GPR132: variants seen among roughly 807,000 people sequenced by gnomAD.
GPR132 encodes probable G protein-coupled receptor 132.
A neutral mutation model predicts 1.9 loss-of-function variants in GPR132; 4 were observed. That is an observed-to-expected ratio of 2.13 (90% CI 1.05 to 4.87). The LOEUF is 4.87. Among genes scored for constraint, GPR132 ranks in the 30% most tolerant of loss-of-function variants. The probability of loss-of-function intolerance (pLI) is 0.01; values close to 1 mark genes in which losing one functional copy is unlikely to be tolerated. For synonymous variants in GPR132, 233 were observed against 234.2 expected, an observed-to-expected ratio of 0.99 and a Z score of 0.05; for missense variants, 404 against 512.5, an observed-to-expected ratio of 0.79 and a Z score of 2.04.
chr14:105,053,745 A>C (rs1301792629), intron 3 of GPR132, among the ~76,000 whole-genome samples: 1 of 151,924 alleles, frequency 6.6e-6, no homozygotes, highest in Non-Finnish European at 1.5e-5. Context: ...TCCTTGGGAC[A>C]TGTAGATATG....
intron 3 of GPR132, among the ~76,000 whole-genome samples, chr14:105,053,234 C>A (rs546647142): frequency 6.8e-6 from 1 of 146,340 alleles, no homozygotes; most frequent in Non-Finnish European, 1.5e-5. Context: ...GATCTCAGCT[C>A]ACTGCAACCT....
In GPR132 at chr14:105,052,080, G is replaced by A; in HGVS notation, c.57C>T (p.Thr19=). Residue 19 remains threonine, a synonymous_variant, in exon 4 of 4, where the codon ACC becomes ACT. Coordinates refer to ENST00000329797, the MANE Select transcript of GPR132 (RefSeq NM_013345.4). ...GYNGNATPVT[T]TAPWASLGLS... ...GGCCCAGGGAGGCCCACGGGGCAGT[G>A]GTGGTCACTGGGGTGGCGTTTCCTG... 6.3e-7 allele frequency: 1 copy of A among 1,580,392 alleles called. No individual in the cohort carries two copies. The highest frequency in any genetic ancestry group is 8.6e-7 in the Non-Finnish European group (1 of 1,165,530).
intron 1 of GPR132, among the ~76,000 whole-genome samples, chr14:105,063,437 C>T (rs1012791180): frequency 6.6e-6 from 1 of 151,422 alleles, no homozygotes; most frequent in African/African-American, 2.4e-5. Context: ...TGCAATAGCA[C>T]GATCTTGGCT....
chr14:105,054,027 G>A (rs2140929178), intron 3 of GPR132: 4 of 1,287,004 alleles, frequency 3.1e-6, no homozygotes, highest in Middle Eastern at 2.1e-4. Context: ...ACTTCCCCAA[G>A]CTCTGCCAGC....
At chr14:105,058,907 G>A (rs1160788335) in intron 1 of GPR132, among the ~76,000 whole-genome samples, 1 of 152,252 alleles carries the variant, frequency 6.6e-6, no homozygotes, top group Non-Finnish European at 1.5e-5. Context: ...GATGGTGTTT[G>A]TGCCTCTCCC....
chr14:105,051,376 C>A lies in GPR132; in HGVS notation c.761G>T (p.Cys254Phe). 1 of 1,614,014 alleles carries A rather than the reference C, an allele frequency of 6.2e-7. No homozygotes were observed. Among genetic ancestry groups the A allele is most frequent in the Non-Finnish European group, 8.5e-7 (1 of 1,179,912 alleles). The change falls in exon 4 of 4, where the codon TGC (cysteine) becomes TTC (phenylalanine). Residue 254 changes from cysteine to phenylalanine, a missense_variant. Cys to Phe is a radical substitution (Grantham distance 205). Transcript: ENST00000329797. This position sits in a 1 kb window ranked among gnomAD's most constrained non-coding sequence, Gnocchi z 8.0. ...GAGAACCAGGTGGTACGGGGCGAAG[C>A]AGACTAGGAAGATGACAACCACCGC... ...AIAVVVIFLV[C>F]FAPYHLVLLV...
At chr14:105,061,524 G>A (rs917564819) in intron 1 of GPR132, among the ~76,000 whole-genome samples, 3 of 152,182 alleles carry the variant, frequency 2.0e-5, no homozygotes, top group Non-Finnish European at 2.9e-5. Context: ...GCAGTGTCGC[G>A]GTCTGTCCTG....
intron 1 of GPR132, among the ~76,000 whole-genome samples, chr14:105,063,245 G>A (rs1886996797): frequency 6.6e-6 from 1 of 151,116 alleles, no homozygotes; most frequent in African/African-American, 2.4e-5. Context: ...CCAGATTAGA[G>A]AAGCACCACA....
chr14:105,061,747 G>C (rs186656153), intron 1 of GPR132, among the ~76,000 whole-genome samples: 3 of 152,140 alleles, frequency 2.0e-5, no homozygotes, highest in East Asian at 1.9e-4. Context: ...CCTCCTGGGG[G>C]GGGGGAGTCC....
At chr14:105,053,337 T>C (rs1223803448) in intron 3 of GPR132, among the ~76,000 whole-genome samples, 1 of 151,896 alleles carries the variant, frequency 6.6e-6, no homozygotes, top group African/African-American at 2.4e-5. Flanking sequence ...ATTTTGTATT[T>C]TTAGTAGAGA....
chr14:105,062,540 CTTTTTTT>C (rs59869492), intron 1 of GPR132, among the ~76,000 whole-genome samples: 2 of 128,684 alleles, frequency 1.6e-5, no homozygotes, highest in African/African-American at 3.0e-5. Flanking sequence ...CTTTTCTTTT[CTTTTTTT>C]TTTTTTTTTT....
Position 105,051,951 on chromosome 14 carries a change from C to T in GPR132, c.186G>A (p.Leu62=), listed in dbSNP as rs376713015. ...VCTLGVPANC[L]TAWLALLQVL... ...CCTGCAGCAGCGCCAGCCACGCAGT[C>T]AGGCAGTTGGCCGGCACCCCCAGCG... The change falls in exon 4 of 4, where the codon CTG becomes CTA. Residue 62 remains leucine (L), a synonymous_variant. Coordinates refer to ENST00000329797, the MANE Select transcript of GPR132 (RefSeq NM_013345.4). This position sits in a 1 kb window ranked among gnomAD's most constrained non-coding sequence, Gnocchi z 8.0. 21 of 1,613,504 alleles carry T rather than the reference C, an allele frequency of 1.3e-5. No individual in the cohort carries two copies. The highest frequency in any genetic ancestry group is 1.7e-5 in the Non-Finnish European group (20 of 1,179,980).
At position 105,051,057 on chromosome 14, in the gene GPR132, G is replaced by A. The variant is rs1478173358; in HGVS notation, c.1080C>T (p.Ser360=). ...PVALADHYTF[S]RPVHPPGSPC... Reference sequence around the variant, plus strand: ...GTGACCCTGGTGGGTGCACGGGCCTGGAGAAGGTGTAGTGGTCTGCAAGGG... The same window carrying A: ...GTGACCCTGGTGGGTGCACGGGCCTAGAGAAGGTGTAGTGGTCTGCAAGGG... The change falls in exon 4 of 4, where the codon TCC becomes TCT. Residue 360 remains serine, a synonymous_variant. Coordinates refer to ENST00000329797, the MANE Select transcript of GPR132 (RefSeq NM_013345.4). This position sits in a 1 kb window ranked among gnomAD's most constrained non-coding sequence, Gnocchi z 8.0. 1.2e-6 allele frequency: 2 copies of A among 1,614,052 alleles called. No individual in the cohort carries two copies. The highest frequency in any genetic ancestry group is 4.5e-5 in the East Asian group (2 of 44,906).
rs759225510 is a variant in GPR132 at position 105,052,043 on chromosome 14, T to C, written c.94A>G (p.Thr32Ala). ...TCTTCGAAGGACACGTTGTTGCAGG[T>C]CTTGGCGGAGAGGCCCAGGGAGGCC... ...PWASLGLSAK[T>A]CNNVSFEESR... Residue 32 changes from threonine (T) to alanine (A), a missense_variant, in exon 4 of 4, where the codon ACC (threonine) becomes GCC (alanine). By Grantham distance (58) the Thr-to-Ala change is moderately conservative. Transcript: ENST00000329797. 6 of 1,605,874 alleles carry C rather than the reference T, an allele frequency of 3.7e-6. No individual in the cohort carries two copies. In the South Asian group the frequency reaches 6.6e-5, roughly 18 times the overall value.
intron 1 of GPR132, chr14:105,057,509 TTC>T: frequency 2.2e-5 from 4 of 180,332 alleles, no homozygotes; most frequent in East Asian, 1.1e-4. Context: ...CTACATACGA[TTC>T]TTTTTTTTTT....
chr14:105,051,151 C>T lies in GPR132; in HGVS notation c.986G>A (p.Trp329Ter). 2 of 1,614,156 alleles carry T rather than the reference C, an allele frequency of 1.2e-6. No homozygotes were observed. Among genetic ancestry groups the T allele is most frequent in the Non-Finnish European group, 1.7e-6 (2 of 1,180,022 alleles). The stretch of plus-strand genomic sequence containing the variant: ...CCTGGTGACGTCTGTCTTCATGGAC[C>T]ACTCTTTCCACCCCTTATGGATTCT... ...VSRIHKGWKE[W>*]SMKTDVTRLT... The change falls in exon 4 of 4, where the codon TGG (tryptophan) becomes TAG (stop). Residue 329 changes from tryptophan (W) to a stop codon, truncating the protein, a stop_gained. Transcript: ENST00000329797. LOFTEE classifies it low-confidence loss of function (END_TRUNC). This position sits in a 1 kb window ranked among gnomAD's most constrained non-coding sequence, Gnocchi z 8.0.
At chr14:105,057,511 CTTTTTTTTTT>C (rs11299805) in intron 1 of GPR132, 10 of 88,870 alleles carry the variant, frequency 1.1e-4, no homozygotes, top group Admixed American at 3.1e-4. Context: ...ACATACGATT[CTTTTTTTTTT>C]TTTTTTTTTT....
At chr14:105,062,162 G>A (rs1886961142) in intron 1 of GPR132, among the ~76,000 whole-genome samples, 1 of 152,218 alleles carries the variant, frequency 6.6e-6, no homozygotes, top group Non-Finnish European at 1.5e-5. Flanking sequence ...TGTGGGCCCA[G>A]GTCAGCCTGA....
In GPR132 at chr14:105,055,558, G is replaced by A. The variant is rs377402199; in HGVS notation, c.-138C>T. 24 of 720,222 alleles carry A rather than the reference G, an allele frequency of 3.3e-5. No individual in the cohort carries two copies. The highest frequency in any genetic ancestry group is 2.3e-4 in the South Asian group (15 of 66,380). The allele number at this position is 720,222 out of a possible 1,614,324, so 44.6% of individuals were successfully genotyped here. The stretch of plus-strand genomic sequence containing the variant: ...CCTCCATTCCACTTTGTCTCTGTGC[G>A]CTGGGCTCCCCTGTCACCTCCCCAC... On this transcript the variant is annotated 5_prime_UTR_variant, in exon 3 of 4. Transcript: ENST00000329797. The surrounding 1 kb of genome is among the most constrained non-coding windows in gnomAD (Gnocchi z 4.7).
Sources: gnomAD v4.1 joint callset for allele counts (sites outside exome capture counted in the v4.1 genomes callset) on GRCh38, gnomAD v4.1.1 for gene constraint, Gnocchi (gnomAD v3.1) non-coding constraint, MANE v1.5 for transcripts, NCBI Gene and HGNC (gene_info 2026-07-23, HGNC 2026-07-21) for gene names.